Variants in PARG observed in about 807,000 individuals in gnomAD.
PARG encodes poly(ADP-ribose) glycohydrolase.
A neutral mutation model predicts 113.0 loss-of-function variants in PARG; 35 were observed. The observed-to-expected ratio is 0.31, with a 90% CI of 0.24 to 0.41. The LOEUF is 0.41. PARG is among the 10% of genes least tolerant of loss of function. The pLI is 1.00. For synonymous variants in PARG, 330 were observed against 409.9 expected (o/e 0.81, Z 2.36); for missense variants, 797 against 1,169.4 (o/e 0.68, Z 4.64).
chr10:49,937,115 CT>C (rs1838786767), intron 1 of PARG, among the ~76,000 whole-genome samples: 1 of 152,034 alleles, frequency 6.6e-6, no homozygotes, highest in South Asian at 2.1e-4. Flanking sequence ...GATTCTGAAA[CT>C]TTTTCTATAG....
rs1202619934 is a variant in PARG at position 49,885,256 on chromosome 10, T to G, written c.1777A>C (p.Ile593Leu). The change falls in exon 8 of 18, where the codon ATC becomes CTC. Residue 593 changes from isoleucine to leucine, a missense_variant. Physicochemically the swap from Ile to Leu is conservative, Grantham distance 5. Around this residue, in one of 5 missense-constraint regions of PARG, gnomAD observed 252 missense variants for 437.4 expected, o/e 0.58. Transcript: ENST00000616448. ...GCAATTTTCACCATATCAGGCAAGA[T>G]GGACTGATATAAATGTTGAGCTTCT... ...EAEAQHLYQS[I>L]LPDMVKIALC... 1.2e-6 allele frequency: 2 copies of G among 1,609,766 alleles called. No homozygotes were observed. Among genetic ancestry groups the G allele is most frequent in the Non-Finnish European group, 1.7e-6 (2 of 1,177,952 alleles).
At position 49,927,988 on chromosome 10, in the gene PARG, A is replaced by G. The variant is rs187142440; in HGVS notation, c.1455+4112T>C. On this transcript the variant is annotated intron_variant, in intron 4 of 17. Coordinates refer to ENST00000616448, the MANE Select transcript of PARG (RefSeq NM_003631.5). Reference sequence around the variant, plus strand: ...CTTTAAAAAAAAAAAAAAAAAGAAGAAGGCCAGGAACAGTGGCTCCCACCT... The same window carrying G: ...CTTTAAAAAAAAAAAAAAAAAGAAGGAGGCCAGGAACAGTGGCTCCCACCT... Among the ~76,000 whole-genome samples, 1,323 of 151,268 alleles carry G rather than the reference A, an allele frequency of 8.7e-3. 12 individuals are homozygous for G. The highest frequency in any genetic ancestry group is 0.03 in the African/African-American group (1,216 of 41,210).
intron 7 of PARG, 91 bp from the exon 8 acceptor site, chr10:49,885,386 T>C (rs1249819543): frequency 3.7e-6 from 3 of 818,322 alleles, no homozygotes; most frequent in Middle Eastern, 3.6e-4. Context: ...AAATTACATA[T>C]CTGCTTTTCA....
At chr10:49,903,157 G>A (rs1277995058) in intron 7 of PARG, among the ~76,000 whole-genome samples, 11 of 151,998 alleles carry the variant, frequency 7.2e-5, no homozygotes, top group African/African-American at 2.4e-4. Flanking sequence ...AGCTGTGGTG[G>A]TATGGACCTA....
At chr10:49,823,172 G>A (rs1844189621) in intron 16 of PARG, among the ~76,000 whole-genome samples, 1 of 151,954 alleles carries the variant, frequency 6.6e-6, no homozygotes, top group Non-Finnish European at 1.5e-5. Context: ...TTAGGAAAGA[G>A]GGCATAGTAT....
At chr10:49,820,732 A>AG (rs1000292112) in intron 16 of PARG, among the ~76,000 whole-genome samples, 1 of 151,666 alleles carries the variant, frequency 6.6e-6, no homozygotes, top group African/African-American at 2.4e-5. Context: ...CAAAAAAAAA[A>AG]AAAAAGAAAT....
At chr10:49,887,629 C>G (rs1847561285) in intron 7 of PARG, among the ~76,000 whole-genome samples, 1 of 152,084 alleles carries the variant, frequency 6.6e-6, no homozygotes, top group Admixed American at 6.5e-5. Flanking sequence ...TAGTTCACTC[C>G]TCCTCATTAC....
At chr10:49,914,315 T>C (rs1431408992) in intron 7 of PARG, among the ~76,000 whole-genome samples, 1 of 152,242 alleles carries the variant, frequency 6.6e-6, no homozygotes, top group Admixed American at 6.5e-5. Flanking sequence ...GGATAACGAT[T>C]ATATCGGTTT....
At chr10:49,925,378 T>A (rs1346417226) in intron 4 of PARG, among the ~76,000 whole-genome samples, 3 of 152,138 alleles carry the variant, frequency 2.0e-5, no homozygotes, top group Non-Finnish European at 4.4e-5. Flanking sequence ...GGTCTTTAGA[T>A]AATAACCCTT....
intron 16 of PARG, among the ~76,000 whole-genome samples, chr10:49,826,629 A>C (rs1458683904): frequency 6.6e-6 from 1 of 152,230 alleles, no homozygotes; most frequent in Non-Finnish European, 1.5e-5. Flanking sequence ...TATCTCAGAA[A>C]CATTTCACTT....
chr10:49,934,845 T>A (rs1230375610), intron 2 of PARG, among the ~76,000 whole-genome samples: 3 of 149,170 alleles, frequency 2.0e-5, no homozygotes, highest in Non-Finnish European at 4.4e-5. Context: ...TGAGACTCCA[T>A]CTCAAAAAAA....
Position 49,934,142 on chromosome 10 carries a change from G to A in PARG, c.306C>T (p.Asn102=). 1 of 1,108,820 alleles carries A rather than the reference G, an allele frequency of 9.0e-7. No homozygotes were observed. Among genetic ancestry groups the A allele is most frequent in the Admixed American group, 1.7e-5 (1 of 58,738 alleles). The allele number at this position is 1,108,820 out of a possible 1,614,324, so 68.7% of individuals were successfully genotyped here. ...ESESLDSKEN[N]NTRIESMMSS... ...TCATCATGGATTCTATTCTTGTATT[G>A]TTGTTTTCTTTACTATCCAAACTAC... The change falls in exon 3 of 18, where the codon AAC becomes AAT. Residue 102 remains asparagine (N), a synonymous_variant. Coordinates refer to ENST00000616448, the MANE Select transcript of PARG (RefSeq NM_003631.5).
chr10:49,891,254 C>T (rs568172329), intron 7 of PARG, among the ~76,000 whole-genome samples: 205 of 152,258 alleles, frequency 1.3e-3, no homozygotes, highest in African/African-American at 4.7e-3. Flanking sequence ...GCAGAGGTTG[C>T]AGTGAGCCGA....
intron 9 of PARG, among the ~76,000 whole-genome samples, chr10:49,878,608 G>A (rs1168599314): frequency 7.6e-6 from 1 of 131,978 alleles, no homozygotes; most frequent in Non-Finnish European, 1.7e-5. Context: ...ACAGAGTGAA[G>A]CTCCGTCTTA....
chr10:49,885,570 C>G (rs1847435998), intron 7 of PARG, among the ~76,000 whole-genome samples: 1 of 152,162 alleles, frequency 6.6e-6, no homozygotes, highest in Non-Finnish European at 1.5e-5. Context: ...TCAAATATCC[C>G]TCACACAACA....
intron 16 of PARG, among the ~76,000 whole-genome samples, chr10:49,831,729 T>G (rs1844675461): frequency 6.6e-6 from 1 of 152,216 alleles, no homozygotes; most frequent in African/African-American, 2.4e-5. Flanking sequence ...GTAGAAGCTC[T>G]GCTTTCCCTT....
At chr10:49,836,613 C>A (rs1844948533) in intron 15 of PARG, among the ~76,000 whole-genome samples, 1 of 151,836 alleles carries the variant, frequency 6.6e-6, no homozygotes, top group African/African-American at 2.4e-5. Context: ...AAGGGAAAAC[C>A]CACTACAAAT....
At chr10:49,844,905 T>G (rs938016628) in intron 13 of PARG, among the ~76,000 whole-genome samples, 7 of 152,032 alleles carry the variant, frequency 4.6e-5, no homozygotes, top group Admixed American at 1.3e-4. Flanking sequence ...ATGTCTGCAA[T>G]AAAAACACAA....
chr10:49,941,882 C>T lies in PARG; in HGVS notation c.-157G>A. The T allele has an allele frequency of 7.5e-7, 1 of 1,338,112 alleles. No individual in the cohort carries two copies. The allele number at this position is 1,338,112 out of a possible 1,614,324, so 82.9% of individuals were successfully genotyped here. On this transcript the variant is annotated 5_prime_UTR_variant, in exon 1 of 18. Coordinates refer to ENST00000616448, the MANE Select transcript of PARG (RefSeq NM_003631.5). ...CTGCAATTGCTGATCCGCCGGCCTC[C>T]CAAGTCAGGCCGTAAACACTCGCCT...
Sources: allele counts gnomAD v4.1 joint callset (sites outside exome capture counted in the v4.1 genomes callset), GRCh38; gene constraint gnomAD v4.1.1; regional missense constraint gnomAD v4.1.1; transcripts MANE v1.5; gene names NCBI Gene and HGNC (gene_info 2026-07-23, HGNC 2026-07-21).